LRBA: variants seen among roughly 807,000 people sequenced by gnomAD.
LRBA encodes lipopolysaccharide-responsive and beige-like anchor protein.
Under a neutral mutation model 330.0 loss-of-function variants are expected in LRBA, and 176 were observed. The ratio of observed to expected loss-of-function variants is 0.53; its 90% CI spans 0.47 to 0.60. LRBA has a LOEUF of 0.60. Among genes scored for constraint, LRBA ranks in the 20% least tolerant of loss-of-function variants. The probability of loss-of-function intolerance (pLI) is 0.00; values close to 1 mark genes in which losing one functional copy is unlikely to be tolerated. For missense variants in LRBA, 3,259 were observed against 3,444.8 expected (o/e 0.95, Z 1.35); for synonymous variants, 1,230 against 1,193.0 (o/e 1.03, Z -0.64).
intron 40 of LRBA, among the ~76,000 whole-genome samples, chr4:150,528,761 T>C (rs1193363555): frequency 6.6e-6 from 1 of 151,992 alleles, no homozygotes; most frequent in African/African-American, 2.4e-5. Flanking sequence ...TTAAAAGGGG[T>C]TAGCAAAGAA....
intron 44 of LRBA, among the ~76,000 whole-genome samples, chr4:150,467,228 C>T (rs1430750815): frequency 6.6e-6 from 1 of 151,982 alleles, no homozygotes; most frequent in African/African-American, 2.4e-5. Context: ...AGTTTGATAC[C>T]ATTGGAGAAT....
chr4:150,877,273 AAAGAG>A (rs1754153389), intron 17 of LRBA, among the ~76,000 whole-genome samples: 1 of 151,756 alleles, frequency 6.6e-6, no homozygotes, highest in African/African-American at 2.4e-5. Flanking sequence ...AAAAAAAAAA[AAAGAG>A]AGACCTATTT....
At chr4:151,014,400 A>G in intron 2 of LRBA, 27 bp downstream of exon 2, 1 of 1,569,502 alleles carries the variant, frequency 6.4e-7, no homozygotes, top group Middle Eastern at 1.7e-4. Flanking sequence ...AAAAGAGTAT[A>G]TGCTTATAAA....
chr4:150,929,300 T>G (rs1734210410), intron 2 of LRBA, among the ~76,000 whole-genome samples: 1 of 152,162 alleles, frequency 6.6e-6, no homozygotes. Flanking sequence ...AAATATAGGA[T>G]GTCTTAGGTA....
intron 40 of LRBA, among the ~76,000 whole-genome samples, chr4:150,512,131 A>G (rs548072748): frequency 1.3e-5 from 2 of 152,346 alleles, no homozygotes; most frequent in East Asian, 1.9e-4. Flanking sequence ...CTTCCACTCC[A>G]TGTTTCTATA....
intron 2 of LRBA, among the ~76,000 whole-genome samples, chr4:150,978,638 CAAAG>C (rs1210725469): frequency 5.3e-5 from 8 of 151,798 alleles, no homozygotes. Flanking sequence ...GAAGATAACA[CAAAG>C]AAGGAATTCA....
At chr4:150,439,658 T>C (rs779873357) in intron 44 of LRBA, among the ~76,000 whole-genome samples, 1 of 152,182 alleles carries the variant, frequency 6.6e-6, no homozygotes, top group Non-Finnish European at 1.5e-5. Context: ...AAGATTCTGC[T>C]TTGCTGCAGT....
At chr4:150,622,212 A>G (rs1458165220) in intron 37 of LRBA, among the ~76,000 whole-genome samples, 2 of 152,216 alleles carry the variant, frequency 1.3e-5, no homozygotes, top group Non-Finnish European at 1.5e-5. Context: ...AGATGTACTG[A>G]GCACATGAAA....
intron 40 of LRBA, among the ~76,000 whole-genome samples, chr4:150,491,993 T>C (rs1033662169): frequency 3.9e-5 from 6 of 152,028 alleles, no homozygotes; most frequent in Admixed American, 6.6e-5. Context: ...TATTAAAAAT[T>C]ACAAATGAAA....
intron 40 of LRBA, among the ~76,000 whole-genome samples, chr4:150,563,103 AT>A (rs906402041): frequency 2.0e-5 from 3 of 151,954 alleles, no homozygotes; most frequent in African/African-American, 7.2e-5. Context: ...GGTTGAAATA[AT>A]TTTTTTTAAC....
chr4:150,506,455 A>C (rs1761101302), intron 40 of LRBA, among the ~76,000 whole-genome samples: 1 of 152,242 alleles, frequency 6.6e-6, no homozygotes, highest in African/African-American at 2.4e-5. Context: ...TCCAGAACAT[A>C]AACAGAACCA....
intron 2 of LRBA, among the ~76,000 whole-genome samples, chr4:151,006,947 G>A (rs745773698): frequency 6.6e-6 from 1 of 152,006 alleles, no homozygotes; most frequent in African/African-American, 2.4e-5. Context: ...AAATTGATAC[G>A]CTGATCCTAA....
At chr4:150,987,959 A>G (rs548884872) in intron 2 of LRBA, among the ~76,000 whole-genome samples, 1 of 151,056 alleles carries the variant, frequency 6.6e-6, no homozygotes, top group Non-Finnish European at 1.5e-5. Context: ...CAGAGATCAC[A>G]CAACTTCACT....
chr4:150,497,105 T>C (rs1038747705), intron 40 of LRBA, among the ~76,000 whole-genome samples: 13 of 152,170 alleles, frequency 8.5e-5, no homozygotes, highest in African/African-American at 2.9e-4. Context: ...ACAATAATTG[T>C]AATTTGAACA....
chr4:150,752,988 T>C (rs914116718), intron 35 of LRBA, among the ~76,000 whole-genome samples: 8 of 152,224 alleles, frequency 5.3e-5, no homozygotes, highest in African/African-American at 1.9e-4. Flanking sequence ...ATTCAGTTTA[T>C]TTGGAATTCA....
intron 28 of LRBA, among the ~76,000 whole-genome samples, chr4:150,834,099 A>G (rs990238557): frequency 6.6e-6 from 1 of 152,116 alleles, no homozygotes; most frequent in Non-Finnish European, 1.5e-5. Flanking sequence ...TGCTATTTCC[A>G]CCACATCAGC....
At chr4:150,912,028 T>C (rs1466192882) in intron 9 of LRBA, among the ~76,000 whole-genome samples, 1 of 152,198 alleles carries the variant, frequency 6.6e-6, no homozygotes, top group Non-Finnish European at 1.5e-5. Flanking sequence ...CTGTGGCAAG[T>C]TATAATGCCT....
intron 2 of LRBA, among the ~76,000 whole-genome samples, chr4:150,994,916 G>A (rs1404466680): frequency 6.6e-6 from 1 of 152,178 alleles, no homozygotes; most frequent in Non-Finnish European, 1.5e-5. Context: ...TCTCCCCTGG[G>A]AGCATCCATC....
intron 40 of LRBA, among the ~76,000 whole-genome samples, chr4:150,517,706 G>A (rs867722770): frequency 2.0e-5 from 3 of 152,128 alleles, no homozygotes; most frequent in African/African-American, 7.2e-5. Context: ...CTGAATGATA[G>A]CAGGTATGAC....
Sources: gnomAD v4.1 joint callset for allele counts (sites outside exome capture counted in the v4.1 genomes callset) on GRCh38, gnomAD v4.1.1 for gene constraint, MANE v1.5 for transcripts, NCBI Gene and HGNC (gene_info 2026-07-23, HGNC 2026-07-21) for gene names.